C10orf53: variants seen among roughly 807,000 people sequenced by gnomAD.
C10orf53 encodes the protein UPF0728 protein C10orf53.
C10orf53 carries 8 observed loss-of-function variants against 9.4 expected under a neutral mutation model. That is an observed-to-expected ratio of 0.85 (90% CI 0.50 to 1.53). The LOEUF (loss-of-function observed/expected upper bound fraction) is 1.53. Among genes scored for constraint, C10orf53 ranks in the 40% most tolerant of loss-of-function variants. The pLI, the probability that C10orf53 is intolerant of heterozygous loss-of-function variation, is 0.00. For synonymous variants in C10orf53, 48 were observed against 46.0 expected, an observed-to-expected ratio of 1.04 and a Z score of -0.18; for missense variants, 117 against 117.8, an observed-to-expected ratio of 0.99 and a Z score of 0.03.
intron 1 of C10orf53, among the ~76,000 whole-genome samples, chr10:49,688,177 C>A (rs1337250851): frequency 1.3e-5 from 2 of 152,248 alleles, no homozygotes; most frequent in South Asian, 2.1e-4. Flanking sequence ...AGCACTCACC[C>A]CCACCAGCAG....
chr10:49,691,322 G>T (rs560109855), intron 1 of C10orf53, among the ~76,000 whole-genome samples: 118 of 152,352 alleles, frequency 7.7e-4, no homozygotes, highest in African/African-American at 2.8e-3. Flanking sequence ...ATTCAATGTA[G>T]ACTCTGAGGT....
chr10:49,707,348 A>G (rs1320886936), intron 2 of C10orf53, among the ~76,000 whole-genome samples: 1 of 152,154 alleles, frequency 6.6e-6, no homozygotes, highest in Non-Finnish European at 1.5e-5. Context: ...TTCCCACTCC[A>G]TCCCTTCCCA....
In C10orf53 at chr10:49,694,930, A is replaced by G. The variant is rs920684087; in HGVS notation, c.*328A>G. The G allele has an allele frequency of 1.4e-4, 153 of 1,084,398 alleles. No individual in the cohort carries two copies. The highest frequency in any genetic ancestry group is 1.6e-4 in the Non-Finnish European group (142 of 893,070). The allele number at this position is 1,084,398 out of a possible 1,614,324, so 67.2% of individuals were successfully genotyped here. ...AGGTGCCATTCCTGACTAATAACAC[A>G]TAGTTGCCAGAAGCATCTGAGATTC... On this transcript the variant is annotated 3_prime_UTR_variant, in exon 3 of 3. Transcript: ENST00000374111.
downstream of C10orf53, among the ~76,000 whole-genome samples, chr10:49,699,458 G>C (rs1341024633): frequency 6.6e-6 from 1 of 151,814 alleles, no homozygotes; most frequent in Non-Finnish European, 1.5e-5. Flanking sequence ...GCCTCCCAAA[G>C]TGCCGGGATT....
downstream of C10orf53, among the ~76,000 whole-genome samples, chr10:49,699,094 A>C (rs1840659999): frequency 6.6e-6 from 1 of 151,898 alleles, no homozygotes; most frequent in African/African-American, 2.4e-5. Context: ...GCCAACAGTA[A>C]AATTTTACTG....
At chr10:49,704,438 C>A (rs1481371632) in intron 2 of C10orf53, among the ~76,000 whole-genome samples, 2 of 152,050 alleles carry the variant, frequency 1.3e-5, no homozygotes, top group Non-Finnish European at 2.9e-5. Context: ...AAGATAAATG[C>A]AAATTGAAAC....
At chr10:49,707,223 G>C (rs1840729095) in intron 2 of C10orf53, among the ~76,000 whole-genome samples, 1 of 152,142 alleles carries the variant, frequency 6.6e-6, no homozygotes, top group African/African-American at 2.4e-5. Flanking sequence ...TAACAGGTGG[G>C]GAAACTGGGT....
At chr10:49,685,486 C>T (rs1210076013) in intron 1 of C10orf53, among the ~76,000 whole-genome samples, 1 of 152,062 alleles carries the variant, frequency 6.6e-6, no homozygotes, top group Non-Finnish European at 1.5e-5. Context: ...GACTTAAGTT[C>T]ACTGTGAGTT....
At chr10:49,708,566 G>A in exon 3 of C10orf53, 1 of 1,614,184 alleles carries the variant, frequency 6.2e-7, no homozygotes, top group South Asian at 1.1e-5. Flanking sequence ...GGCCAGGCCT[G>A]GATCACATGC....
exon 3 of C10orf53, chr10:49,708,495 A>C (rs1840738584): frequency 6.2e-7 from 1 of 1,614,140 alleles, no homozygotes; most frequent in Non-Finnish European, 8.5e-7. Flanking sequence ...CCTGACTTGT[A>C]CTGTATTGGC....
intron 1 of C10orf53, among the ~76,000 whole-genome samples, chr10:49,683,922 A>C (rs144884342): frequency 4.6e-5 from 7 of 152,322 alleles, no homozygotes; most frequent in Admixed American, 4.6e-4. Flanking sequence ...ACCATTGTCA[A>C]ATCCAAGATT....
chr10:49,704,915 C>A (rs1034148332), intron 2 of C10orf53, among the ~76,000 whole-genome samples: 3 of 152,142 alleles, frequency 2.0e-5, no homozygotes, highest in Non-Finnish European at 4.4e-5. Flanking sequence ...ATCTTTATAC[C>A]TCCCTAAAGG....
intron 2 of C10orf53, chr10:49,694,172 G>A: frequency 1.7e-6 from 1 of 592,136 alleles, no homozygotes; most frequent in East Asian, 2.8e-5. Flanking sequence ...TGGAATTAAG[G>A]GATAATAGGT....
Position 49,696,181 on chromosome 10 carries a change from ATACAGGGGG to A in C10orf53, c.*1584_*1592del, listed in dbSNP as rs1409258527. On this transcript the variant is annotated 3_prime_UTR_variant, in exon 3 of 3. Coordinates refer to ENST00000374111, the MANE Select transcript of C10orf53 (RefSeq NM_001042427.3). ...AAAAATTTTTCAACTTTTATTTTAG[ATACAGGGGG>A]TACATGGGCAGGTATGTTGAATCTT... The A allele has an allele frequency of 6.6e-6, 1 of 152,182 alleles. No individual in the cohort carries two copies. Among genetic ancestry groups the A allele is most frequent in the African/African-American group, 2.4e-5 (1 of 41,450 alleles). The allele number at this position is 152,182 out of a possible 1,614,324, so 9.4% of individuals were successfully genotyped here. A position where few individuals can be genotyped will look rare whatever the true frequency, so the allele number is the denominator to read the frequency against.
intron 1 of C10orf53, among the ~76,000 whole-genome samples, chr10:49,688,845 G>A (rs952983567): frequency 6.6e-6 from 1 of 152,040 alleles, no homozygotes; most frequent in Non-Finnish European, 1.5e-5. Context: ...GCCTTCCTTG[G>A]GCATCCCAAC....
chr10:49,679,812 G>C lies in C10orf53; in HGVS notation c.97+18G>C, dbSNP rs959536199. 3 of 1,525,010 alleles carry C rather than the reference G, an allele frequency of 2.0e-6. No individual in the cohort carries two copies. Among genetic ancestry groups the C allele is most frequent in the Non-Finnish European group, 2.6e-6 (3 of 1,137,802 alleles). 94.5% of individuals were successfully genotyped at this position (1,525,010 alleles called of 1,614,324 possible). On this transcript the variant is annotated intron_variant, in intron 1 of 2. Coordinates refer to ENST00000374111, the MANE Select transcript of C10orf53 (RefSeq NM_001042427.3). Reference sequence around the variant, plus strand: ...CCTGCAAGGTGGGCCTCCTCGCCGCGTGCGCCCCTGAGGGCCCCAGCCTCT... The same window carrying C: ...CCTGCAAGGTGGGCCTCCTCGCCGCCTGCGCCCCTGAGGGCCCCAGCCTCT...
Position 49,697,072 on chromosome 10 carries a change from A to T in C10orf53, c.*2470A>T, listed in dbSNP as rs955941416. Among the ~76,000 whole-genome samples the T allele has an allele frequency of 1.3e-5, 2 of 152,162 alleles. No individual in the cohort carries two copies. The highest frequency in any genetic ancestry group is 2.9e-5 in the Non-Finnish European group (2 of 68,034). On this transcript the variant is annotated 3_prime_UTR_variant, in exon 3 of 3. Transcript: ENST00000374111. ...GCCAGGCCTGGTGGCATGCACCTGT[A>T]GTCCCAGCTACTTGAGGGGCTGAGG...
intron 2 of C10orf53, among the ~76,000 whole-genome samples, chr10:49,707,456 G>A (rs1840730797): frequency 1.3e-5 from 2 of 152,188 alleles, no homozygotes; most frequent in Admixed American, 1.3e-4. Context: ...ACCAGCTACA[G>A]TGCCCATATA....
intron 2 of C10orf53, chr10:49,708,339 TCTC>T: frequency 6.2e-7 from 1 of 1,611,010 alleles, no homozygotes; most frequent in Non-Finnish European, 8.5e-7. Flanking sequence ...GCTGCTTTCT[TCTC>T]TGTTGTCTTT....
Sources: gnomAD v4.1 joint callset for allele counts (sites outside exome capture counted in the v4.1 genomes callset) on GRCh38, gnomAD v4.1.1 for gene constraint, MANE v1.5 for transcripts, NCBI Gene and HGNC (gene_info 2026-07-23, HGNC 2026-07-21) for gene names.